Variants in FCRL1 observed in about 807,000 individuals in gnomAD.
FCRL1 encodes the protein Fc receptor like 1.
Under a neutral mutation model 49.2 loss-of-function variants are expected in FCRL1, and 34 were observed. That is an observed-to-expected ratio of 0.69 (90% CI 0.53 to 0.92). FCRL1 has a LOEUF of 0.92. FCRL1 is among the 40% of genes least tolerant of loss of function. The pLI is 0.00. For missense variants in FCRL1, 524 were observed against 524.1 expected (o/e 1.00, Z 0.00); for synonymous variants, 218 against 201.6 (o/e 1.08, Z -0.69).
intron 3 of FCRL1, among the ~76,000 whole-genome samples, chr1:157,803,173 A>G (rs1350001455): frequency 6.6e-6 from 1 of 152,226 alleles, no homozygotes; most frequent in Non-Finnish European, 1.5e-5. Context: ...ACTGCCATGT[A>G]TAAATTGCTC....
intron 6 of FCRL1, 73 bp from the exon 7 acceptor site, chr1:157,800,158 C>G (rs1427745231): frequency 4.8e-6 from 7 of 1,463,682 alleles, no homozygotes; most frequent in Non-Finnish European, 6.7e-6. Flanking sequence ...TGTTTTCATA[C>G]CCCCTGCACA....
chr1:157,804,389 A>G (rs1653063456), intron 2 of FCRL1, among the ~76,000 whole-genome samples: 1 of 152,112 alleles, frequency 6.6e-6, no homozygotes, highest in Admixed American at 6.6e-5. Context: ...TGAAGTTTCT[A>G]TCCATAAACT....
Position 157,797,933 on chromosome 1 carries a change from A to T in FCRL1, c.1121T>A (p.Val374Asp). 6.2e-7 allele frequency: 1 copy of T among 1,614,066 alleles called. No individual in the cohort carries two copies. The highest frequency in any genetic ancestry group is 1.1e-5 in the South Asian group (1 of 91,080). The change falls in exon 9 of 11, where the codon GTT becomes GAT. Residue 374 changes from valine to aspartate, a missense_variant. Val to Asp is a radical substitution (Grantham distance 152). Coordinates refer to ENST00000368176, the MANE Select transcript of FCRL1 (RefSeq NM_052938.5). ...TGAATAAACCTCATCCCCACTTACA[A>T]CATTCACTGCAAGAGAAGGAGGGAG... ...QLQPIYENVN[V>D]VSGDEVYSLA...
At chr1:157,796,733 A>G (rs1651551319) in intron 10 of FCRL1, among the ~76,000 whole-genome samples, 1 of 152,194 alleles carries the variant, frequency 6.6e-6, no homozygotes, top group South Asian at 2.1e-4. Context: ...TTCAATATTA[A>G]TTTAGTTGCT....
chr1:157,817,336 C>T (rs377566930), intron 1 of FCRL1, among the ~76,000 whole-genome samples: 9 of 151,936 alleles, frequency 5.9e-5, no homozygotes, highest in East Asian at 1.9e-4. Flanking sequence ...GACACATAGA[C>T]CAATGAAACA....
chr1:157,806,314 T>C (rs563686402), intron 2 of FCRL1, among the ~76,000 whole-genome samples: 2 of 152,314 alleles, frequency 1.3e-5, no homozygotes, highest in East Asian at 3.9e-4. Flanking sequence ...GAACTTGTGT[T>C]CCCTACTTGC....
chr1:157,815,785 A>G (rs1047283863), intron 1 of FCRL1, among the ~76,000 whole-genome samples: 2 of 151,972 alleles, frequency 1.3e-5, no homozygotes, highest in Admixed American at 1.3e-4. Flanking sequence ...GACATCACAG[A>G]TTATAAAGGA....
intron 10 of FCRL1, 29 bp from the exon 11 acceptor site, chr1:157,796,199 G>A: frequency 1.9e-6 from 3 of 1,595,420 alleles, no homozygotes; most frequent in South Asian, 1.1e-5. Context: ...ACTAGAGCAG[G>A]GAAGACAAGC....
chr1:157,802,790 G>T (rs1652753758), intron 3 of FCRL1, 126 bp from the exon 4 acceptor site: 19 of 976,834 alleles, frequency 1.9e-5, no homozygotes, highest in Non-Finnish European at 2.5e-5. Context: ...GCTTAATTTG[G>T]GTGAGGTGGG....
rs60412463 is a variant in FCRL1, at chr1:157,804,249, C to A, written c.53-138G>T. The A allele has an allele frequency of 2.3e-4, 222 of 978,924 alleles. No homozygotes were observed. The East Asian group carries it at 4.1e-3, about 18-fold the overall frequency. 60.6% of individuals were successfully genotyped at this position (978,924 alleles called of 1,614,324 possible). A position where few individuals can be genotyped will look rare whatever the true frequency, so the allele number is the denominator to read the frequency against. ...ACAGGCCACCCTACATGTCTCCACCCCCCCCCCAGTGGCCCATGGGCTTTC... is the reference window on the plus strand; with the variant it reads ...ACAGGCCACCCTACATGTCTCCACCACCCCCCCAGTGGCCCATGGGCTTTC... On this transcript the variant is annotated intron_variant, in intron 2 of 10. Coordinates refer to ENST00000368176, the MANE Select transcript of FCRL1 (RefSeq NM_052938.5).
intron 1 of FCRL1, among the ~76,000 whole-genome samples, chr1:157,816,062 A>G (rs1251644892): frequency 6.6e-6 from 1 of 151,954 alleles, no homozygotes; most frequent in Non-Finnish European, 1.5e-5. Flanking sequence ...ATGATTTCCA[A>G]GAAATTAAAA....
At chr1:157,800,808 G>T (rs1163439344) in intron 6 of FCRL1, among the ~76,000 whole-genome samples, 4 of 152,082 alleles carry the variant, frequency 2.6e-5, no homozygotes, top group Non-Finnish European at 5.9e-5. Context: ...TTGATGCACT[G>T]ACTTTAGTAC....
intron 2 of FCRL1, 132 bp from the exon 3 acceptor site, chr1:157,804,243 TCCAC>T: frequency 2.0e-6 from 2 of 1,000,210 alleles, no homozygotes; most frequent in Non-Finnish European, 2.8e-6. Flanking sequence ...CCTACATGTC[TCCAC>T]CCCCCCCCCA....
At chr1:157,806,041 C>A (rs1653386890) in intron 2 of FCRL1, among the ~76,000 whole-genome samples, 1 of 152,212 alleles carries the variant, frequency 6.6e-6, no homozygotes, top group Non-Finnish European at 1.5e-5. Flanking sequence ...TCAGATAATT[C>A]TTAGATAGCA....
intron 1 of FCRL1, among the ~76,000 whole-genome samples, chr1:157,810,983 G>A (rs1654242706): frequency 6.6e-6 from 1 of 152,004 alleles, no homozygotes; most frequent in African/African-American, 2.4e-5. Context: ...ATTTTGCTAT[G>A]TTGCCCAGGC....
chr1:157,801,438 T>C (rs767245139), intron 6 of FCRL1, 23 bp downstream of exon 6: 1 of 1,420,764 alleles, frequency 7.0e-7, no homozygotes. Flanking sequence ...AGTAACAAAA[T>C]GCCACTCTCT....
intron 1 of FCRL1, among the ~76,000 whole-genome samples, chr1:157,812,090 A>C (rs1178901840): frequency 6.6e-6 from 1 of 152,192 alleles, no homozygotes; most frequent in African/African-American, 2.4e-5. Context: ...GACCAACTGC[A>C]TGCTCCCTTG....
intron 7 of FCRL1, among the ~76,000 whole-genome samples, chr1:157,799,271 A>AT (rs1195191831): frequency 6.6e-6 from 1 of 152,170 alleles, no homozygotes; most frequent in Non-Finnish European, 1.5e-5. Flanking sequence ...AAGTGCTGGG[A>AT]TTACAGGTGC....
chr1:157,818,939 G>A (rs1478598181), intron 1 of FCRL1, among the ~76,000 whole-genome samples: 1 of 152,114 alleles, frequency 6.6e-6, no homozygotes, highest in East Asian at 1.9e-4. Context: ...GAAAGTAAGA[G>A]GGTCATGGGC....
Sources: gnomAD v4.1 joint callset for allele counts (sites outside exome capture counted in the v4.1 genomes callset) on GRCh38, gnomAD v4.1.1 for gene constraint, MANE v1.5 for transcripts, NCBI Gene and HGNC (gene_info 2026-07-23, HGNC 2026-07-21) for gene names.